Variants in PLCB1 observed in about 807,000 individuals in gnomAD.
PLCB1 encodes the protein 1-phosphatidylinositol 4,5-bisphosphate phosphodiesterase beta-1.
In PLCB1, 46 loss-of-function variants were observed where a neutral mutation model predicts 161.8. The observed-to-expected ratio is 0.28, with a 90% CI of 0.22 to 0.36. The LOEUF (loss-of-function observed/expected upper bound fraction) is 0.36, where lower values mean the gene tolerates loss of function less well. Ranked by LOEUF, PLCB1 falls within the 10% of genes least tolerant of loss-of-function variation. The probability of loss-of-function intolerance (pLI) is 1.00; values close to 1 mark genes in which losing one functional copy is unlikely to be tolerated. For missense variants in PLCB1, 1,016 were observed against 1,472.5 expected (o/e 0.69, Z 5.07); for synonymous variants, 517 against 503.7 (o/e 1.03, Z -0.35).
chr20:8,474,999 TCACACACACAGACACACACA>T (rs1419014115), intron 3 of PLCB1, among the ~76,000 whole-genome samples: 1 of 141,542 alleles, frequency 7.1e-6, no homozygotes, highest in African/African-American at 2.7e-5. Context: ...AAAAACAAGA[TCACACACACAGACACACACA>T]CACACACACA....
chr20:8,320,497 G>T (rs1215672238), intron 2 of PLCB1, among the ~76,000 whole-genome samples: 1 of 152,152 alleles, frequency 6.6e-6, no homozygotes, highest in Non-Finnish European at 1.5e-5. Context: ...TTGCCCTCAG[G>T]CAGGAAAGCT....
At chr20:8,818,460 ATAAAT>A (rs1287755603) in intron 31 of PLCB1, among the ~76,000 whole-genome samples, 2 of 152,230 alleles carry the variant, frequency 1.3e-5, no homozygotes, top group Non-Finnish European at 2.9e-5. Flanking sequence ...GACAAGAAGA[ATAAAT>A]AAAAGATACA....
At chr20:8,177,786 C>T (rs2051798547) in intron 2 of PLCB1, among the ~76,000 whole-genome samples, 1 of 152,032 alleles carries the variant, frequency 6.6e-6, no homozygotes, top group Admixed American at 6.6e-5. Flanking sequence ...TATTTAATCA[C>T]CCAGGTAATA....
chr20:8,772,862 G>A (rs182907775), intron 26 of PLCB1, among the ~76,000 whole-genome samples: 24 of 152,204 alleles, frequency 1.6e-4, no homozygotes, highest in African/African-American at 3.6e-4. Context: ...CCTGGAAGGC[G>A]GAAGTTGTGG....
intron 2 of PLCB1, among the ~76,000 whole-genome samples, chr20:8,327,223 G>A (rs1985190582): frequency 6.6e-6 from 1 of 152,192 alleles, no homozygotes; most frequent in South Asian, 2.1e-4. Context: ...CCAGAGGGCA[G>A]TTTAATGTGA....
chr20:8,872,759 A>T (rs1987649727), intron 31 of PLCB1, among the ~76,000 whole-genome samples: 1 of 152,016 alleles, frequency 6.6e-6, no homozygotes, highest in Non-Finnish European at 1.5e-5. Flanking sequence ...TCCTTGCCTC[A>T]TCTCCAAGGT....
At chr20:8,429,619 CTGAG>C (rs1979946722) in intron 3 of PLCB1, among the ~76,000 whole-genome samples, 1 of 151,928 alleles carries the variant, frequency 6.6e-6, no homozygotes, top group Admixed American at 6.5e-5. Flanking sequence ...TATGAGTGTT[CTGAG>C]TGATAATATA....
At chr20:8,789,386 T>C in intron 29 of PLCB1, 132 bp from the exon 30 acceptor site, 1 of 682,196 alleles carries the variant, frequency 1.5e-6, no homozygotes, top group East Asian at 2.7e-5. Context: ...CTCCAATAAA[T>C]AAATAGATAA....
At chr20:8,309,304 C>T (rs544125609) in intron 2 of PLCB1, among the ~76,000 whole-genome samples, 73 of 152,194 alleles carry the variant, frequency 4.8e-4, no homozygotes, top group African/African-American at 1.7e-3. Context: ...GAGGGAAATC[C>T]TCCCTACCCC....
chr20:8,334,039 A>G (rs1488546898), intron 2 of PLCB1, among the ~76,000 whole-genome samples: 1 of 152,078 alleles, frequency 6.6e-6, no homozygotes, highest in Non-Finnish European at 1.5e-5. Context: ...AAGAAACCCC[A>G]TCTCTACTAA....
chr20:8,459,497 G>C (rs1384384185), intron 3 of PLCB1, among the ~76,000 whole-genome samples: 1 of 152,160 alleles, frequency 6.6e-6, no homozygotes, highest in Non-Finnish European at 1.5e-5. Flanking sequence ...GTCTTGGTTT[G>C]AGGGTAGTCT....
At chr20:8,374,096 C>G (rs1188606951) in intron 3 of PLCB1, among the ~76,000 whole-genome samples, 1 of 151,860 alleles carries the variant, frequency 6.6e-6, no homozygotes. Flanking sequence ...TGGCTGTGTC[C>G]CCACCCAAAA....
intron 31 of PLCB1, among the ~76,000 whole-genome samples, chr20:8,846,436 G>C (rs1189251323): frequency 1.3e-5 from 2 of 151,858 alleles, no homozygotes; most frequent in African/African-American, 2.4e-5. Context: ...TACTACTCAG[G>C]GATCCTCAAA....
chr20:8,217,592 G>A (rs1293532676), intron 2 of PLCB1, among the ~76,000 whole-genome samples: 1 of 152,124 alleles, frequency 6.6e-6, no homozygotes, highest in East Asian at 1.9e-4. Context: ...AGTATGAAAT[G>A]CAGTGTGATT....
intron 3 of PLCB1, among the ~76,000 whole-genome samples, chr20:8,547,256 A>G (rs1396086810): frequency 6.6e-6 from 1 of 152,188 alleles, no homozygotes; most frequent in Non-Finnish European, 1.5e-5. Context: ...CTGAAGCCCT[A>G]CGGCAGACTT....
chr20:8,342,997 G>A (rs1449975082), intron 2 of PLCB1, among the ~76,000 whole-genome samples: 1 of 152,188 alleles, frequency 6.6e-6, no homozygotes, highest in Non-Finnish European at 1.5e-5. Flanking sequence ...TGGATTATAA[G>A]TCAAGTATTT....
chr20:8,585,893 C>G (rs6055925), intron 3 of PLCB1, among the ~76,000 whole-genome samples: 77,466 of 152,086 alleles, frequency 0.51, 22,527 homozygotes, highest in African/African-American at 0.8. Context: ...ATATTTGACA[C>G]TTCATTAATA....
chr20:8,580,688 G>T (rs947520416), intron 3 of PLCB1, among the ~76,000 whole-genome samples: 2 of 152,210 alleles, frequency 1.3e-5, no homozygotes, highest in African/African-American at 4.8e-5. Flanking sequence ...GGGGATTTCA[G>T]TCAAATGCCA....
intron 19 of PLCB1, among the ~76,000 whole-genome samples, chr20:8,734,168 T>C (rs1037128217): frequency 7.0e-6 from 1 of 141,886 alleles, no homozygotes; most frequent in Non-Finnish European, 1.5e-5. Context: ...AAAGTTTTCA[T>C]AGGCCACATG....
Sources: allele counts gnomAD v4.1 joint callset (sites outside exome capture counted in the v4.1 genomes callset), GRCh38; gene constraint gnomAD v4.1.1; transcripts MANE v1.5; gene names NCBI Gene and HGNC (gene_info 2026-07-23, HGNC 2026-07-21).